The following CUX2 variants were observed in gnomAD, a reference collection of about 807,000 sequenced individuals.
CUX2 encodes the protein homeobox protein cut-like 2.
Under a neutral mutation model 144.8 loss-of-function variants are expected in CUX2, and 40 were observed. The observed-to-expected ratio is 0.28, with a 90% CI of 0.21 to 0.36. The LOEUF is 0.36. Ranked by LOEUF, CUX2 falls within the 10% of genes least tolerant of loss-of-function variation. The pLI is 1.00. For synonymous variants in CUX2, 827 were observed against 875.6 expected (o/e 0.94, Z 0.98); for missense variants, 1,615 against 1,994.0 (o/e 0.81, Z 3.62).
intron 1 of CUX2, among the ~76,000 whole-genome samples, chr12:111,143,369 G>A (rs568283390): frequency 1.3e-5 from 2 of 152,330 alleles, no homozygotes; most frequent in African/African-American, 2.4e-5. Flanking sequence ...AGCGCATCAA[G>A]GAGGTGCCCA....
chr12:111,107,189 G>A (rs762588790), intron 1 of CUX2, among the ~76,000 whole-genome samples: 8 of 152,210 alleles, frequency 5.3e-5, no homozygotes, highest in African/African-American at 1.9e-4. Flanking sequence ...AGTTTTTGGT[G>A]ACAGTGGGCC....
chr12:111,233,050 G>A (rs1046276245), intron 3 of CUX2, among the ~76,000 whole-genome samples: 4 of 152,200 alleles, frequency 2.6e-5, no homozygotes, highest in African/African-American at 9.7e-5. Flanking sequence ...ATTGAAGCAA[G>A]AGTAGGGACA....
chr12:111,181,149 G>A (rs763885398), intron 1 of CUX2, among the ~76,000 whole-genome samples: 1 of 152,250 alleles, frequency 6.6e-6, no homozygotes. Context: ...CAGGGAAGCC[G>A]CCTTTGGGGT....
At position 111,287,418 on chromosome 12, in the gene CUX2, CT is replaced by C. The variant is rs1286720251; in HGVS notation, c.302-3999del. Among the ~76,000 whole-genome samples, 2 of 152,172 alleles carry C rather than the reference CT, an allele frequency of 1.3e-5. No individual in the cohort carries two copies. Among genetic ancestry groups the C allele is most frequent in the East Asian group, 3.9e-4 (2 of 5,192 alleles). ...CGGCGAGTGCTCGTTGCCTTTTTTC[CT>C]CCTGTCTCAAAAACCGGGACACAAT... is the stretch of plus-strand genomic sequence containing the variant. On this transcript the variant is annotated intron_variant, in intron 4 of 21. Coordinates refer to ENST00000261726, the MANE Select transcript of CUX2 (RefSeq NM_015267.4). This position sits in a 1 kb window ranked among gnomAD's most constrained non-coding sequence, Gnocchi z 4.2.
In CUX2 at chr12:111,322,557, G is replaced by T; in HGVS notation, c.2903G>T (p.Gly968Val). The change falls in exon 18 of 22, where the codon GGC becomes GTC. Residue 968 changes from glycine to valine, a missense_variant. This residue lies in a region of CUX2 where 128 missense variants were observed against 124.4 expected (regional missense o/e 1.03). Transcript: ENST00000261726. The surrounding 1 kb of genome is among the most constrained non-coding windows in gnomAD (Gnocchi z 4.2). Reference protein sequence around the residue: ...WLSDQLGQAVGQQPGASQASP... With the variant: ...WLSDQLGQAVVQQPGASQASP... ...TCTGACCAGCTCGGCCAGGCAGTGG[G>T]CCAGCAGCCTGGTGCCTCCCAGGGT... 1 of 1,609,634 alleles carries T rather than the reference G, an allele frequency of 6.2e-7. No homozygotes were observed. Among genetic ancestry groups the T allele is most frequent in the Non-Finnish European group, 8.5e-7 (1 of 1,179,632 alleles).
chr12:111,246,539 G>A lies in CUX2; in HGVS notation c.223-17222G>A, dbSNP rs1883287158. ...CACATCTTCCAATTCTTCCAGAGAA[G>A]CTGGAAATCTTGATTTTTATGCAAA... On this transcript the variant is annotated intron_variant, in intron 3 of 21. Transcript: ENST00000261726. The surrounding 1 kb of genome is among the most constrained non-coding windows in gnomAD (Gnocchi z 4.0). Among the ~76,000 whole-genome samples, 1 of 152,196 alleles carries A rather than the reference G, an allele frequency of 6.6e-6. No homozygotes were observed. The highest frequency in any genetic ancestry group is 1.5e-5 in the Non-Finnish European group (1 of 68,044).
At chr12:111,143,014 A>G (rs940689439) in intron 1 of CUX2, among the ~76,000 whole-genome samples, 1 of 152,144 alleles carries the variant, frequency 6.6e-6, no homozygotes, top group African/African-American at 2.4e-5. Context: ...GGCCTTCTGT[A>G]TCTATCAAAA....
intron 1 of CUX2, among the ~76,000 whole-genome samples, chr12:111,093,866 G>A (rs572297567): frequency 6.6e-6 from 1 of 152,378 alleles, no homozygotes; most frequent in East Asian, 1.9e-4. Context: ...GATGTTGTGT[G>A]AAATGGGAGC....
intron 18 of CUX2, among the ~76,000 whole-genome samples, chr12:111,326,975 T>G (rs1304358084): frequency 6.6e-6 from 1 of 152,262 alleles, no homozygotes; most frequent in East Asian, 1.9e-4. Flanking sequence ...AAGTATACAA[T>G]TCAGTGGATC....
intron 1 of CUX2, among the ~76,000 whole-genome samples, chr12:111,054,179 A>G (rs572331121): frequency 4.6e-5 from 7 of 152,042 alleles, no homozygotes; most frequent in Non-Finnish European, 1.0e-4. Context: ...ACAAAAACAA[A>G]AAACAGATTC....
At chr12:111,206,586 C>T (rs1880930221) in intron 1 of CUX2, among the ~76,000 whole-genome samples, 1 of 152,212 alleles carries the variant, frequency 6.6e-6, no homozygotes. Flanking sequence ...CTGTGAACTC[C>T]TCAAGGACAG....
intron 20 of CUX2, among the ~76,000 whole-genome samples, chr12:111,338,775 G>A (rs1436226597): frequency 2.0e-5 from 3 of 151,768 alleles, no homozygotes; most frequent in Non-Finnish European, 4.4e-5. Flanking sequence ...CAGGAGGATT[G>A]CTTGAGGATC....
At position 111,087,947 on chromosome 12, in the gene CUX2, C is replaced by T. The variant is rs191381015; in HGVS notation, c.63+53707C>T. Reference sequence around the variant, plus strand: ...TGGTTCAACTGTGGCACCCCCACACCGAGGAGCACTACTCAGTAATGAAAA... The same window carrying T: ...TGGTTCAACTGTGGCACCCCCACACTGAGGAGCACTACTCAGTAATGAAAA... On this transcript the variant is annotated intron_variant, in intron 1 of 21. Coordinates refer to ENST00000261726, the MANE Select transcript of CUX2 (RefSeq NM_015267.4). 4.6e-5 allele frequency among the ~76,000 whole-genome samples: 7 copies of T among 152,208 alleles called. No homozygotes were observed. The South Asian group carries it at 1.2e-3, about 27-fold the overall frequency.
intron 1 of CUX2, among the ~76,000 whole-genome samples, chr12:111,064,631 G>C (rs555331054): frequency 6.6e-6 from 1 of 152,284 alleles, no homozygotes; most frequent in Admixed American, 6.5e-5. Flanking sequence ...CCCAAATCTA[G>C]CCATGTACCC....
intron 14 of CUX2, among the ~76,000 whole-genome samples, chr12:111,309,265 A>G (rs1217155400): frequency 6.6e-6 from 1 of 152,100 alleles, no homozygotes; most frequent in Non-Finnish European, 1.5e-5. Context: ...CTGTTTCCTC[A>G]TCCATAAAAT....
At chr12:111,058,134 A>C (rs1870609983) in intron 1 of CUX2, among the ~76,000 whole-genome samples, 1 of 152,250 alleles carries the variant, frequency 6.6e-6, no homozygotes, top group Non-Finnish European at 1.5e-5. Flanking sequence ...AAAAATGAAA[A>C]GAACAAAGCT....
At chr12:111,168,844 G>T (rs1878324320) in intron 1 of CUX2, among the ~76,000 whole-genome samples, 1 of 152,178 alleles carries the variant, frequency 6.6e-6, no homozygotes, top group Non-Finnish European at 1.5e-5. Flanking sequence ...TGGGTCGGGT[G>T]CTTGAACTTT....
intron 19 of CUX2, among the ~76,000 whole-genome samples, chr12:111,337,622 A>G (rs1888409843): frequency 1.3e-5 from 2 of 152,256 alleles, no homozygotes. Flanking sequence ...AGCTGTGCAC[A>G]TTTAAAACTG....
chr12:111,069,013 G>A (rs1029708754), intron 1 of CUX2, among the ~76,000 whole-genome samples: 13 of 152,138 alleles, frequency 8.5e-5, no homozygotes, highest in African/African-American at 3.1e-4. Flanking sequence ...GGCTGAGGCA[G>A]GAGAATTGCT....
Sources: gnomAD v4.1 joint callset for allele counts (sites outside exome capture counted in the v4.1 genomes callset) on GRCh38, gnomAD v4.1.1 for gene constraint, gnomAD v4.1.1 regional missense constraint, Gnocchi (gnomAD v3.1) non-coding constraint, MANE v1.5 for transcripts, NCBI Gene and HGNC (gene_info 2026-07-23, HGNC 2026-07-21) for gene names.